The following MYO5B variants were observed in gnomAD, a reference collection of about 807,000 sequenced individuals.
MYO5B encodes myosin VB, also known as unconventional myosin-Vb.
Under a neutral mutation model 229.3 loss-of-function variants are expected in MYO5B, and 143 were observed. The ratio of observed to expected loss-of-function variants is 0.62; its 90% CI spans 0.54 to 0.72. MYO5B has a LOEUF of 0.72. MYO5B is among the 30% of genes least tolerant of loss of function. MYO5B has a pLI of 0.00. For missense variants in MYO5B, 2,321 were observed against 2,331.0 expected, an observed-to-expected ratio of 1.00 and a Z score of 0.09; for synonymous variants, 918 against 885.2, an observed-to-expected ratio of 1.04 and a Z score of -0.66.
intron 1 of MYO5B, among the ~76,000 whole-genome samples, chr18:50,170,891 G>C (rs966178153): frequency 7.8e-6 from 1 of 127,982 alleles, no homozygotes; most frequent in African/African-American, 2.9e-5. Flanking sequence ...TTAGAAGAAA[G>C]AACGTACAGG....
At chr18:50,140,600 G>C (rs1044120607) in intron 1 of MYO5B, among the ~76,000 whole-genome samples, 2 of 152,158 alleles carry the variant, frequency 1.3e-5, no homozygotes, top group African/African-American at 4.8e-5. Flanking sequence ...TACAACCAAA[G>C]AGGCAAACAG....
rs368450560 is a variant in MYO5B, at chr18:50,136,870, A to C, written c.27+57897T>G. ...TCAATAAATTACCATTAGCCCCACA[A>C]AGCATTCCCTAACTACCCAACTCCT... On this transcript the variant is annotated intron_variant, in intron 1 of 39. Coordinates refer to ENST00000285039, the MANE Select transcript of MYO5B (RefSeq NM_001080467.3). Among the ~76,000 whole-genome samples the C allele has an allele frequency of 1.8e-4, 28 of 152,290 alleles. 1 individual carries two copies. Among genetic ancestry groups the C allele is most frequent in the Admixed American group, 8.5e-4 (13 of 15,306 alleles).
In MYO5B at chr18:49,906,607, G is replaced by C; in HGVS notation, c.2226C>G (p.Gly742=). The change falls in exon 19 of 40, where the codon GGC becomes GGG. Residue 742 remains glycine (G), a synonymous_variant. Coordinates refer to ENST00000285039, the MANE Select transcript of MYO5B (RefSeq NM_001080467.3). ...LIKDPDKFQF[G]RTKIFFRAGQ... ...CTGCTCGAAAGAAGATCTTGGTGCG[G>C]CCAAACTGGAACTTGTCGGGGTCCT... is the stretch of plus-strand genomic sequence containing the variant. The C allele has an allele frequency of 6.2e-7, 1 of 1,614,064 alleles. No individual in the cohort carries two copies.
chr18:50,156,204 A>T (rs1273568538), intron 1 of MYO5B, among the ~76,000 whole-genome samples: 1 of 152,232 alleles, frequency 6.6e-6, no homozygotes, highest in Non-Finnish European at 1.5e-5. Flanking sequence ...CAGTATTTGC[A>T]CACTCAACAC....
intron 32 of MYO5B, among the ~76,000 whole-genome samples, 171 bp downstream of exon 32, chr18:49,849,396 G>A (rs1006408032): frequency 3.3e-5 from 5 of 152,172 alleles, no homozygotes; most frequent in Admixed American, 6.5e-5. Context: ...GGCAACTGCA[G>A]ATGGGTAAGC....
At chr18:50,102,477 G>A (rs1039602088) in intron 1 of MYO5B, among the ~76,000 whole-genome samples, 7 of 152,168 alleles carry the variant, frequency 4.6e-5, no homozygotes, top group African/African-American at 1.4e-4. Flanking sequence ...CTCCTCAATG[G>A]TCCAGCAACA....
At chr18:49,969,515 C>A (rs2025664549) in intron 10 of MYO5B, among the ~76,000 whole-genome samples, 1 of 152,132 alleles carries the variant, frequency 6.6e-6, no homozygotes, top group African/African-American at 2.4e-5. Context: ...CACATTCCGC[C>A]TGCTCCCACA....
chr18:49,989,536 C>T (rs895729825), intron 7 of MYO5B, among the ~76,000 whole-genome samples: 4 of 152,014 alleles, frequency 2.6e-5, no homozygotes, highest in African/African-American at 7.3e-5. Flanking sequence ...TCAAGGCTTG[C>T]CCTCTTTACA....
chr18:49,981,709 T>C (rs2025816808), intron 8 of MYO5B, among the ~76,000 whole-genome samples: 1 of 152,162 alleles, frequency 6.6e-6, no homozygotes, highest in Admixed American at 6.5e-5. Context: ...AATGACCGGA[T>C]CGCTGGCTAC....
At chr18:50,171,877 A>T (rs1225928279) in intron 1 of MYO5B, among the ~76,000 whole-genome samples, 1 of 128,076 alleles carries the variant, frequency 7.8e-6, no homozygotes, top group Non-Finnish European at 1.7e-5. Flanking sequence ...GGCTCCTCAT[A>T]TAACAGCCAA....
chr18:50,136,618 C>A (rs1026383625), intron 1 of MYO5B, among the ~76,000 whole-genome samples: 3 of 152,100 alleles, frequency 2.0e-5, no homozygotes, highest in African/African-American at 7.2e-5. Flanking sequence ...CAAACATGCA[C>A]AGTTCTTGTG....
intron 14 of MYO5B, among the ~76,000 whole-genome samples, chr18:49,950,477 T>C (rs906340230): frequency 4.0e-5 from 6 of 151,362 alleles, no homozygotes; most frequent in Admixed American, 1.3e-4. Flanking sequence ...TGCAAAGATA[T>C]ACATAAAGGA....
chr18:49,911,796 G>A (rs1312705459), intron 18 of MYO5B, among the ~76,000 whole-genome samples: 1 of 152,146 alleles, frequency 6.6e-6, no homozygotes. Context: ...CAGACTCCCT[G>A]CAGCTGGTGC....
At chr18:49,886,432 G>A (rs1016401271) in intron 22 of MYO5B, among the ~76,000 whole-genome samples, 1 of 152,092 alleles carries the variant, frequency 6.6e-6, no homozygotes, top group Non-Finnish European at 1.5e-5. Context: ...TAGAGGTTGA[G>A]AGCTGCTGGT....
chr18:50,099,511 G>T (rs2031614584), intron 1 of MYO5B, among the ~76,000 whole-genome samples: 1 of 152,186 alleles, frequency 6.6e-6, no homozygotes. Context: ...TGGCTTAGAT[G>T]CAAAGCCAGC....
chr18:49,957,249 TAC>T (rs10571556), intron 12 of MYO5B, among the ~76,000 whole-genome samples: 104,493 of 150,730 alleles, frequency 0.69, 36,950 homozygotes, highest in African/African-American at 0.83. Flanking sequence ...ACAGAAACTG[TAC>T]ACTCTCTATC....
chr18:49,880,516 T>C, intron 22 of MYO5B, 61 bp from the exon 23 acceptor site: 1 of 1,338,104 alleles, frequency 7.5e-7, no homozygotes, highest in Non-Finnish European at 1.1e-6. Context: ...AGGCTCCTCT[T>C]GTGGGATTTG....
chr18:49,904,559 G>A (rs2024877661), intron 20 of MYO5B, 113 bp downstream of exon 20: 1 of 1,313,136 alleles, frequency 7.6e-7, no homozygotes, highest in Non-Finnish European at 1.1e-6. Flanking sequence ...AGATGTGAAA[G>A]CATTTAGAAA....
At chr18:50,047,352 C>G (rs2030259464) in intron 2 of MYO5B, among the ~76,000 whole-genome samples, 1 of 152,250 alleles carries the variant, frequency 6.6e-6, no homozygotes, top group Admixed American at 6.5e-5. Flanking sequence ...CTCACCATCA[C>G]TGGCCATCAG....
Sources: gnomAD v4.1 joint callset for allele counts (sites outside exome capture counted in the v4.1 genomes callset) on GRCh38, gnomAD v4.1.1 for gene constraint, MANE v1.5 for transcripts, NCBI Gene and HGNC (gene_info 2026-07-23, HGNC 2026-07-21) for gene names.